EIF2AK4: variants seen among roughly 807,000 people sequenced by gnomAD.
EIF2AK4 encodes eIF-2-alpha kinase GCN2.
Under a neutral mutation model 211.1 loss-of-function variants are expected in EIF2AK4, and 139 were observed. The observed-to-expected ratio is 0.66, with a 90% CI of 0.57 to 0.76. EIF2AK4 has a LOEUF of 0.76. Among genes scored for constraint, EIF2AK4 ranks in the 30% least tolerant of loss-of-function variants. The probability of loss-of-function intolerance (pLI) is 0.00; values close to 1 mark genes in which losing one functional copy is unlikely to be tolerated. For synonymous variants in EIF2AK4, 710 were observed against 751.3 expected (o/e 0.94, Z 0.90); for missense variants, 1,664 against 2,043.8 (o/e 0.81, Z 3.58).
At chr15:39,954,024 A>G (rs1259326924) in intron 5 of EIF2AK4, 40 bp downstream of exon 5, 1 of 1,505,314 alleles carries the variant, frequency 6.6e-7, no homozygotes, top group African/African-American at 1.4e-5. Flanking sequence ...ACATTTTGCA[A>G]AACAAAGTGT....
intron 1 of EIF2AK4, among the ~76,000 whole-genome samples, chr15:39,936,952 T>A (rs1339110255): frequency 6.6e-6 from 1 of 152,234 alleles, no homozygotes; most frequent in Non-Finnish European, 1.5e-5. Context: ...GATTTTTTTT[T>A]CAACTTCTTT....
chr15:39,976,801 G>C lies in EIF2AK4; in HGVS notation c.2206G>C (p.Asp736His). The change falls in exon 12 of 39, where the codon GAC becomes CAC. Residue 736 changes from aspartate to histidine, a missense_variant. By Grantham distance (81) the Asp-to-His change is moderately conservative. Around this residue, in one of 7 missense-constraint regions of EIF2AK4, gnomAD observed 206 missense variants for 201.9 expected, o/e 1.02. Coordinates refer to ENST00000263791, the MANE Select transcript of EIF2AK4 (RefSeq NM_001013703.4). ...TGPGSSDDED[D>H]DEDEHGGVFS... ...CCCGGGCTCCAGCGATGACGAGGAC[G>C]ACGACGAGGACGAGCACGGTGGCGT... The C allele has an allele frequency of 6.4e-7, 1 of 1,572,524 alleles. No homozygotes were observed. The highest frequency in any genetic ancestry group is 8.6e-7 in the Non-Finnish European group (1 of 1,161,820).
chr15:39,967,683 A>G lies in EIF2AK4; in HGVS notation c.1357A>G (p.Ile453Val). 6.2e-7 allele frequency: 1 copy of G among 1,614,190 alleles called. No individual in the cohort carries two copies. The highest frequency in any genetic ancestry group is 1.3e-5 in the African/African-American group (1 of 75,050). Residue 453 changes from isoleucine to valine, a missense_variant, in exon 9 of 39, where the codon ATT becomes GTT. Ile to Val is a conservative substitution (Grantham distance 29). Around this residue, in one of 7 missense-constraint regions of EIF2AK4, gnomAD observed 641 missense variants for 729.6 expected, o/e 0.88. Transcript: ENST00000263791. ...TAGCATTTCTAAGCGCCTCGCAGAC[A>G]TTTGCAAGGAGGATGTGTTTGAGCA... Reference protein sequence around the residue: ...DYSISKRLADICKEDVFEQTR... With the variant: ...DYSISKRLADVCKEDVFEQTR...
intron 27 of EIF2AK4, among the ~76,000 whole-genome samples, chr15:40,012,257 G>A (rs898620910): frequency 6.6e-6 from 1 of 152,156 alleles, no homozygotes; most frequent in African/African-American, 2.4e-5. Flanking sequence ...AAGCCATAAG[G>A]GGATATGCAC....
rs969410017 is a variant in EIF2AK4, at chr15:40,013,936, G to A, written c.3760-2566G>A. On this transcript the variant is annotated intron_variant, in intron 27 of 38. Coordinates refer to ENST00000263791, the MANE Select transcript of EIF2AK4 (RefSeq NM_001013703.4). ...ATCTGAAACAAGGCAAGTCCCTTCC[G>A]CCTATGAGCCTGTAAAATCAAAAAC... Among the ~76,000 whole-genome samples, 13 of 152,146 alleles carry A rather than the reference G, an allele frequency of 8.5e-5. No individual in the cohort carries two copies. In the South Asian group the frequency reaches 1.2e-3, roughly 15 times the overall value.
At chr15:39,990,890 A>C (rs796728893) in intron 16 of EIF2AK4, among the ~76,000 whole-genome samples, 6 of 152,324 alleles carry the variant, frequency 3.9e-5, no homozygotes, top group African/African-American at 1.2e-4. Flanking sequence ...TTCCAGAGAG[A>C]GCACAGCATA....
chr15:40,017,029 G>A, intron 28 of EIF2AK4, 79 bp from the exon 29 acceptor site: 8 of 1,552,210 alleles, frequency 5.2e-6, no homozygotes, highest in Non-Finnish European at 7.1e-6. Flanking sequence ...CTATTGATGG[G>A]AAACACCATT....
At chr15:40,002,436 C>T (rs1467393668) in intron 21 of EIF2AK4, 1 of 375,794 alleles carries the variant, frequency 2.7e-6, no homozygotes, top group East Asian at 4.9e-5. Flanking sequence ...TTGATTATCT[C>T]CCTCTGAAAG....
intron 25 of EIF2AK4, among the ~76,000 whole-genome samples, chr15:40,009,123 G>C (rs1246767621): frequency 6.8e-6 from 1 of 147,436 alleles, no homozygotes; most frequent in South Asian, 2.2e-4. Flanking sequence ...ACAGTGTCTC[G>C]CTCTGTCTCC....
rs1168345422 is a variant in EIF2AK4, at chr15:39,987,762, A to G, written c.2404-221A>G. ...TTTTAAATGAGCAATAATATAAAAA[A>G]TTAAAAATGGTTATGTTGGAGTGCC... On this transcript the variant is annotated intron_variant, in intron 14 of 38. Transcript: ENST00000263791. 2.0e-5 allele frequency among the ~76,000 whole-genome samples: 3 copies of G among 152,250 alleles called. No individual in the cohort carries two copies. The East Asian group carries it at 5.8e-4, about 29-fold the overall frequency.
chr15:40,034,576 A>G, intron 38 of EIF2AK4, 132 bp downstream of exon 38: 1 of 698,098 alleles, frequency 1.4e-6, no homozygotes, highest in Admixed American at 2.3e-5. Context: ...GCAGCTGACA[A>G]CCAATAAATC....
chr15:39,980,264 C>T (rs1254258228), intron 13 of EIF2AK4, among the ~76,000 whole-genome samples: 1 of 152,102 alleles, frequency 6.6e-6, no homozygotes, highest in African/African-American at 2.4e-5. Flanking sequence ...CAATGGTATC[C>T]AATTTGAAGA....
intron 27 of EIF2AK4, among the ~76,000 whole-genome samples, chr15:40,012,286 A>G (rs1378663777): frequency 1.3e-5 from 2 of 152,178 alleles, no homozygotes; most frequent in African/African-American, 2.4e-5. Flanking sequence ...TCTGCCCTCA[A>G]CTCTGTAAAA....
Position 39,971,908 on chromosome 15 carries a change from T to C in EIF2AK4, c.1554-1000T>C, listed in dbSNP as rs539093078. ...TATAGTAGAATTTGTATTTCTAACA[T>C]TTTTTAGGGGATACTGATGCTACTG... is the stretch of plus-strand genomic sequence containing the variant. On this transcript the variant is annotated intron_variant, in intron 9 of 38. Coordinates refer to ENST00000263791, the MANE Select transcript of EIF2AK4 (RefSeq NM_001013703.4). Among the ~76,000 whole-genome samples the C allele has an allele frequency of 1.4e-3, 206 of 152,246 alleles. 1 individual carries two copies. The highest frequency in any genetic ancestry group is 2.1e-3 in the Non-Finnish European group (145 of 68,016).
chr15:39,973,448 G>C, intron 10 of EIF2AK4, 144 bp from the exon 11 acceptor site: 2 of 839,312 alleles, frequency 2.4e-6, no homozygotes, highest in Non-Finnish European at 3.7e-6. Context: ...GTGAGGAAAA[G>C]TTTTAAAAGG....
chr15:39,977,564 G>C (rs1437402343), intron 12 of EIF2AK4: 1 of 152,136 alleles, frequency 6.6e-6, no homozygotes, highest in Non-Finnish European at 1.5e-5. Flanking sequence ...ATTTTCAAAA[G>C]ATCTCCAAAA....
chr15:39,995,861 A>C (rs370199036), intron 18 of EIF2AK4, among the ~76,000 whole-genome samples: 1 of 152,314 alleles, frequency 6.6e-6, no homozygotes, highest in South Asian at 2.1e-4. Flanking sequence ...TTTTTTGTGT[A>C]TGGTAAGAAC....
chr15:39,955,085 C>T (rs1314258322), intron 5 of EIF2AK4, among the ~76,000 whole-genome samples: 1 of 152,190 alleles, frequency 6.6e-6, no homozygotes, highest in Non-Finnish European at 1.5e-5. Flanking sequence ...CACCAGTGCT[C>T]CTGTCTTGCT....
chr15:39,976,897 C>A (rs1033485860), intron 12 of EIF2AK4, 53 bp downstream of exon 12: 19 of 1,400,062 alleles, frequency 1.4e-5, no homozygotes, highest in South Asian at 6.6e-5. Flanking sequence ...AGTTTCCTTT[C>A]TTTATTTTTT....
Sources: gnomAD v4.1 joint callset for allele counts (sites outside exome capture counted in the v4.1 genomes callset) on GRCh38, gnomAD v4.1.1 for gene constraint, gnomAD v4.1.1 regional missense constraint, MANE v1.5 for transcripts, NCBI Gene and HGNC (gene_info 2026-07-23, HGNC 2026-07-21) for gene names.